RBFOX3: variants seen among roughly 807,000 people sequenced by gnomAD.
RBFOX3 encodes the protein RNA binding protein fox-1 homolog 3.
RBFOX3 carries 17 observed loss-of-function variants against 48.7 expected under a neutral mutation model. The ratio of observed to expected loss-of-function variants is 0.35; its 90% confidence interval spans 0.24 to 0.52. The LOEUF (loss-of-function observed/expected upper bound fraction) is 0.52. Ranked by LOEUF, RBFOX3 falls within the 20% of genes least tolerant of loss-of-function variation. The probability of loss-of-function intolerance (pLI) is 0.94; values close to 1 mark genes in which losing one functional copy is unlikely to be tolerated. For synonymous variants in RBFOX3, 212 were observed against 209.5 expected (o/e 1.01, Z -0.10); for missense variants, 382 against 497.5 (o/e 0.77, Z 2.21).
intron 2 of RBFOX3, among the ~76,000 whole-genome samples, chr17:79,413,540 C>T (rs113793354): frequency 0.085 from 12,963 of 152,366 alleles, 727 homozygotes; most frequent in Non-Finnish European, 0.13. Context: ...GAGCTCTTCT[C>T]TTCCCGTGGC....
chr17:79,397,489 TC>T (rs35005433), intron 2 of RBFOX3, among the ~76,000 whole-genome samples: 16,868 of 106,694 alleles, frequency 0.16, 1,176 homozygotes, highest in Middle Eastern at 0.25. Context: ...GAGGACTCCA[TC>T]CCCAAAAAAA....
At chr17:79,168,289 AC>A (rs1191930115) in intron 4 of RBFOX3, among the ~76,000 whole-genome samples, 1 of 152,214 alleles carries the variant, frequency 6.6e-6, no homozygotes, top group Non-Finnish European at 1.5e-5. Context: ...CATACTTCCA[AC>A]CCTAAATTAA....
In RBFOX3 at chr17:79,179,338, C is replaced by T. The variant is rs537176944; in HGVS notation, c.-34+56428G>A. On this transcript the variant is annotated intron_variant, in intron 4 of 14. Coordinates refer to ENST00000693108, the MANE Select transcript of RBFOX3 (RefSeq NM_001350451.2). The stretch of plus-strand genomic sequence containing the variant: ...ACAACTCCAAGAAGCAATTGCTGGG[C>T]ACCGTGAAGCCGCTCGGAAACGCCG... Among the ~76,000 whole-genome samples the T allele has an allele frequency of 5.4e-4, 83 of 152,340 alleles. No homozygotes were observed. In the East Asian group the frequency reaches 0.014, roughly 27 times the overall value.
intron 2 of RBFOX3, among the ~76,000 whole-genome samples, chr17:79,442,226 A>G (rs11653483): frequency 0.65 from 7,852 of 12,024 alleles, 2,141 homozygotes; most frequent in South Asian, 0.71. Context: ...AGAGAGAGAG[A>G]GAGAGAGAGA....
chr17:79,569,984 A>AGATG (rs1221260430), intron 1 of RBFOX3, among the ~76,000 whole-genome samples: 1 of 106,616 alleles, frequency 9.4e-6, no homozygotes. Context: ...GATGGATGGT[A>AGATG]GATGGATGGA....
chr17:79,393,052 G>A (rs1310126120), intron 2 of RBFOX3, among the ~76,000 whole-genome samples: 2 of 152,176 alleles, frequency 1.3e-5, no homozygotes, highest in Non-Finnish European at 2.9e-5. Context: ...CCACTACACA[G>A]TCTGCACATG....
intron 2 of RBFOX3, among the ~76,000 whole-genome samples, chr17:79,465,776 C>T (rs180851579): frequency 2.2e-4 from 33 of 152,346 alleles, no homozygotes; most frequent in African/African-American, 7.9e-4. Context: ...TGCTTCAGCC[C>T]CCGGTGGCCT....
intron 3 of RBFOX3, among the ~76,000 whole-genome samples, chr17:79,238,876 G>A (rs759218907): frequency 6.6e-6 from 1 of 152,190 alleles, no homozygotes; most frequent in Non-Finnish European, 1.5e-5. Context: ...GAACTAGAGG[G>A]ATGGTCAAAG....
chr17:79,618,590 A>G, the RBFOX3 span, among the ~76,000 whole-genome samples: 5 of 152,152 alleles, frequency 3.3e-5, no homozygotes, highest in Admixed American at 2.0e-4. Flanking sequence ...AAAGTCATGA[A>G]CAGAAAGGAG....
chr17:79,277,304 G>GA (rs1491482077), intron 3 of RBFOX3, among the ~76,000 whole-genome samples: 17 of 34,622 alleles, frequency 4.9e-4, no homozygotes, highest in Non-Finnish European at 1.0e-3. Context: ...ATGGTGGGGA[G>GA]GGGGGGGGTA....
chr17:79,104,247 G>T (rs1476708980), intron 6 of RBFOX3, 121 bp from the exon 7 acceptor site: 6 of 934,196 alleles, frequency 6.4e-6, no homozygotes, highest in Non-Finnish European at 1.0e-5. Flanking sequence ...TCGGCCCCCA[G>T]CTTGGGAAAG....
chr17:79,353,205 G>C (rs1056334782), intron 2 of RBFOX3, among the ~76,000 whole-genome samples: 1 of 152,238 alleles, frequency 6.6e-6, no homozygotes, highest in Non-Finnish European at 1.5e-5. Context: ...CTCTGCGGCT[G>C]CTGTGGACAC....
At chr17:79,523,613 A>G (rs1352600425) in intron 1 of RBFOX3, among the ~76,000 whole-genome samples, 1 of 152,138 alleles carries the variant, frequency 6.6e-6, no homozygotes, top group East Asian at 1.9e-4. Flanking sequence ...CAACGGCCCC[A>G]TTGGTTCATG....
chr17:79,480,368 G>A lies in RBFOX3; in HGVS notation c.-175+2086C>T, dbSNP rs1021322290. Among the ~76,000 whole-genome samples the A allele has an allele frequency of 9.9e-5, 15 of 152,254 alleles. No homozygotes were observed. In the South Asian group the frequency reaches 1.2e-3, roughly 13 times the overall value. ...GCCAGTGCTCCCAGGGATAGAGTGC[G>A]ACAGTGGGCTCGCTCGTCAGCTGTC... On this transcript the variant is annotated intron_variant, in intron 2 of 14. Transcript: ENST00000693108. The surrounding 1 kb of genome is among the most constrained non-coding windows in gnomAD (Gnocchi z 4.8).
the RBFOX3 span, among the ~76,000 whole-genome samples, chr17:79,617,314 T>C: frequency 6.6e-6 from 1 of 152,080 alleles, no homozygotes; most frequent in Non-Finnish European, 1.5e-5. Context: ...TATCTGGTCT[T>C]CCCCATCCTT....
In RBFOX3 at chr17:79,220,598, G is replaced by GGTGTGT. The variant is rs10641407; in HGVS notation, c.-34+15162_-34+15167dup. The stretch of plus-strand genomic sequence containing the variant: ...TCATCAAGCAGGGGACCCAGGGGAG[G>GGTGTGT]GTGTGTGTGTGTGTGTGTCGGGGGG... On this transcript the variant is annotated intron_variant, in intron 4 of 14. Transcript: ENST00000693108. The surrounding 1 kb of genome is among the most constrained non-coding windows in gnomAD (Gnocchi z 5.9). 2.0e-5 allele frequency among the ~76,000 whole-genome samples: 3 copies of GGTGTGT among 150,654 alleles called. No individual in the cohort carries two copies. Among genetic ancestry groups the GGTGTGT allele is most frequent in the African/African-American group, 7.3e-5 (3 of 40,982 alleles).
chr17:79,387,815 C>T (rs902480060), intron 2 of RBFOX3, among the ~76,000 whole-genome samples: 1 of 152,262 alleles, frequency 6.6e-6, no homozygotes, highest in South Asian at 2.1e-4. Flanking sequence ...CCTTCCCAAC[C>T]CATACCCCAA....
At chr17:79,588,792 A>G (rs1450515205) in intron 1 of RBFOX3, among the ~76,000 whole-genome samples, 1 of 150,936 alleles carries the variant, frequency 6.6e-6, no homozygotes, top group Non-Finnish European at 1.5e-5. Context: ...CCTGGGCCAT[A>G]TAGTGAGACC....
chr17:79,629,925 T>A, the RBFOX3 span, among the ~76,000 whole-genome samples: 7 of 152,222 alleles, frequency 4.6e-5, no homozygotes, highest in Non-Finnish European at 1.0e-4. Context: ...CGAAGCAGGC[T>A]GGAAGGACAC....
Sources: gnomAD v4.1 joint callset for allele counts (sites outside exome capture counted in the v4.1 genomes callset) on GRCh38, gnomAD v4.1.1 for gene constraint, Gnocchi (gnomAD v3.1) non-coding constraint, MANE v1.5 for transcripts, NCBI Gene and HGNC (gene_info 2026-07-23, HGNC 2026-07-21) for gene names.